The following SYT1 variants were observed in gnomAD, a reference collection of about 807,000 sequenced individuals.
SYT1 encodes synaptotagmin 1.
A neutral mutation model predicts 44.8 loss-of-function variants in SYT1; 8 were observed. The observed-to-expected ratio is 0.18, with a 90% CI of 0.10 to 0.32. The LOEUF (loss-of-function observed/expected upper bound fraction) is 0.32. SYT1 is among the 10% of genes least tolerant of loss of function. The probability of loss-of-function intolerance (pLI) is 1.00; values close to 1 mark genes in which losing one functional copy is unlikely to be tolerated. For missense variants in SYT1, 286 were observed against 509.3 expected (o/e 0.56, Z 4.22); for synonymous variants, 154 against 188.8 (o/e 0.82, Z 1.51).
intron 4 of SYT1, among the ~76,000 whole-genome samples, chr12:79,285,413 G>A (rs1473430286): frequency 6.6e-6 from 1 of 152,188 alleles, no homozygotes; most frequent in Admixed American, 6.5e-5. Flanking sequence ...GCAGAGAGAG[G>A]TTAGATGACT....
chr12:79,065,713 G>A (rs1301446921), intron 3 of SYT1, among the ~76,000 whole-genome samples: 9 of 151,990 alleles, frequency 5.9e-5, no homozygotes, highest in Admixed American at 3.3e-4. Context: ...TGACCAAAAT[G>A]TGCTCCCACT....
chr12:79,034,951 A>G (rs1873035218), intron 2 of SYT1, among the ~76,000 whole-genome samples: 1 of 151,690 alleles, frequency 6.6e-6, no homozygotes, highest in Admixed American at 6.6e-5. Flanking sequence ...TTATTTCTAC[A>G]GTTGTTCTCC....
At chr12:79,108,344 A>C (rs1303116395) in intron 3 of SYT1, among the ~76,000 whole-genome samples, 1 of 152,066 alleles carries the variant, frequency 6.6e-6, no homozygotes, top group Non-Finnish European at 1.5e-5. Flanking sequence ...TAATATCTTT[A>C]ATATGTAAAC....
At chr12:79,376,371 T>C (rs1303949030) in intron 9 of SYT1, among the ~76,000 whole-genome samples, 1 of 152,150 alleles carries the variant, frequency 6.6e-6, no homozygotes, top group African/African-American at 2.4e-5. Context: ...TGCCTCCCCT[T>C]TTTAGACCAT....
intron 1 of SYT1, among the ~76,000 whole-genome samples, chr12:78,914,181 A>T (rs1198233172): frequency 2.6e-5 from 4 of 151,904 alleles, no homozygotes; most frequent in Non-Finnish European, 4.4e-5. Context: ...TATATATAAA[A>T]GTAAATTTTC....
At chr12:79,228,188 TA>T (rs924076407) in intron 4 of SYT1, among the ~76,000 whole-genome samples, 3 of 152,086 alleles carry the variant, frequency 2.0e-5, no homozygotes, top group Non-Finnish European at 4.4e-5. Flanking sequence ...CTTTATGCTC[TA>T]AAAATTTCTT....
chr12:79,411,234 C>T (rs1336461146), intron 9 of SYT1, among the ~76,000 whole-genome samples: 1 of 152,184 alleles, frequency 6.6e-6, no homozygotes, highest in African/African-American at 2.4e-5. Flanking sequence ...CTGTGTGGCA[C>T]ATGAGGCTCC....
chr12:79,148,554 A>T (rs1870069137), intron 3 of SYT1, among the ~76,000 whole-genome samples: 1 of 152,128 alleles, frequency 6.6e-6, no homozygotes, highest in Non-Finnish European at 1.5e-5. Flanking sequence ...CACAAAAATA[A>T]AGAGTATTGT....
At chr12:79,164,392 G>A (rs61927314) in intron 3 of SYT1, among the ~76,000 whole-genome samples, 12,536 of 152,082 alleles carry the variant, frequency 0.082, 682 homozygotes, top group African/African-American at 0.15. Context: ...TACAAAAAAT[G>A]TTGCAAGAAG....
Position 79,366,894 on chromosome 12 carries a change from CTGTGTGTGTGTGTGTG to C in SYT1, c.928+13313_928+13328del, listed in dbSNP as rs3995413. 1.5e-3 allele frequency among the ~76,000 whole-genome samples: 182 copies of C among 117,468 alleles called. 1 individual carries two copies. Among genetic ancestry groups the C allele is most frequent in the South Asian group, 9.3e-3 (29 of 3,120 alleles). The allele number at this position is 117,468 out of a possible 152,430, so 77.1% of individuals were successfully genotyped here. ...TCCTATATGGCTGATATAAATAATA[CTGTGTGTGTGTGTGTG>C]TGTGTGTGTGTGTGTGTGTGTGTGT... On this transcript the variant is annotated intron_variant, in intron 9 of 10. Coordinates refer to ENST00000261205, the MANE Select transcript of SYT1 (RefSeq NM_005639.3).
chr12:79,264,271 T>C (rs973180144), intron 4 of SYT1, among the ~76,000 whole-genome samples: 1 of 151,576 alleles, frequency 6.6e-6, no homozygotes. Context: ...GCTCCACCTC[T>C]CAGGTTCATG....
intron 9 of SYT1, among the ~76,000 whole-genome samples, chr12:79,405,576 A>G (rs1405496): frequency 0.14 from 20,706 of 152,104 alleles, 1,849 homozygotes; most frequent in Middle Eastern, 0.34. Flanking sequence ...CCTGCCCTCA[A>G]GGCTTCACAG....
At chr12:79,170,621 T>C (rs1467191515) in intron 3 of SYT1, among the ~76,000 whole-genome samples, 1 of 152,092 alleles carries the variant, frequency 6.6e-6, no homozygotes, top group Non-Finnish European at 1.5e-5. Context: ...ATGCATAGTT[T>C]GCAAAAACTT....
In SYT1 at chr12:79,031,650, C is replaced by T. The variant is rs139185346; in HGVS notation, c.-83-15647C>T. Among the ~76,000 whole-genome samples, 10 of 151,170 alleles carry T rather than the reference C, an allele frequency of 6.6e-5. No homozygotes were observed. The East Asian group carries it at 1.9e-3, about 29-fold the overall frequency. ...ATCACAGAATTAATCCTGGCTCTTCCTTATAGAACTTAAAAGAAAAGCAAA... is the reference window on the plus strand; with the variant it reads ...ATCACAGAATTAATCCTGGCTCTTCTTTATAGAACTTAAAAGAAAAGCAAA... On this transcript the variant is annotated intron_variant, in intron 2 of 10. Transcript: ENST00000261205.
chr12:79,301,666 G>T (rs1287802642), intron 8 of SYT1, among the ~76,000 whole-genome samples: 1 of 152,014 alleles, frequency 6.6e-6, no homozygotes, highest in South Asian at 2.1e-4. Context: ...CATTTTGTGT[G>T]TTCATCTCCT....
intron 9 of SYT1, among the ~76,000 whole-genome samples, chr12:79,417,089 T>C (rs1433716006): frequency 2.0e-5 from 3 of 152,116 alleles, no homozygotes; most frequent in Admixed American, 1.3e-4. Context: ...CTCTGAAAAT[T>C]TGAGGTAGCA....
intron 8 of SYT1, among the ~76,000 whole-genome samples, chr12:79,321,753 A>G (rs73352949): frequency 0.019 from 2,858 of 152,338 alleles, 84 homozygotes; most frequent in African/African-American, 0.065. Flanking sequence ...AACTCAGTAC[A>G]CAAGGACAAG....
At chr12:79,319,556 A>G (rs2138971890) in intron 8 of SYT1, among the ~76,000 whole-genome samples, 1 of 152,306 alleles carries the variant, frequency 6.6e-6, no homozygotes, top group Admixed American at 6.5e-5. Context: ...CATACACTCC[A>G]CACATGCCCT....
intron 1 of SYT1, among the ~76,000 whole-genome samples, chr12:78,931,234 A>AGGAAG (rs1491480199): frequency 5.2e-4 from 27 of 51,430 alleles, no homozygotes; most frequent in African/African-American, 1.3e-3. Context: ...AAAGAAAGAA[A>AGGAAG]GAAAGAAGGA....
Sources: allele counts gnomAD v4.1 joint callset (sites outside exome capture counted in the v4.1 genomes callset), GRCh38; gene constraint gnomAD v4.1.1; transcripts MANE v1.5; gene names NCBI Gene and HGNC (gene_info 2026-07-23, HGNC 2026-07-21).